Variants in GXYLT2 observed in about 807,000 individuals in gnomAD.
GXYLT2 encodes glucoside xylosyltransferase 2.
Under a neutral mutation model 45.8 loss-of-function variants are expected in GXYLT2, and 53 were observed. That is an observed-to-expected ratio of 1.16 (90% CI 0.93 to 1.46). The LOEUF is 1.46. Ranked by LOEUF, GXYLT2 falls within the 40% of genes most tolerant of loss-of-function variation. The pLI, the probability that GXYLT2 is intolerant of heterozygous loss-of-function variation, is 0.00. For missense variants in GXYLT2, 551 were observed against 544.4 expected (o/e 1.01, Z -0.12); for synonymous variants, 219 against 214.2 (o/e 1.02, Z -0.19).
intron 6 of GXYLT2, among the ~76,000 whole-genome samples, chr3:72,969,612 C>G (rs545736568): frequency 6.6e-6 from 1 of 152,214 alleles, no homozygotes; most frequent in African/African-American, 2.4e-5. Context: ...GCTAGGACTA[C>G]AGGTCTGAGC....
At chr3:72,960,545 G>T (rs577333771) in intron 5 of GXYLT2, among the ~76,000 whole-genome samples, 1 of 152,330 alleles carries the variant, frequency 6.6e-6, no homozygotes, top group South Asian at 2.1e-4. Context: ...TCGTGACGTT[G>T]TTCTAAATCC....
intron 3 of GXYLT2, among the ~76,000 whole-genome samples, chr3:72,950,353 C>A (rs890750384): frequency 1.3e-5 from 2 of 152,032 alleles, no homozygotes; most frequent in Admixed American, 6.6e-5. Context: ...CCCAGCTACT[C>A]CAGACGTTGA....
intron 1 of GXYLT2, among the ~76,000 whole-genome samples, chr3:72,899,540 C>T (rs897302250): frequency 7.2e-5 from 11 of 152,094 alleles, no homozygotes; most frequent in African/African-American, 1.9e-4. Flanking sequence ...GGGTTCTGAG[C>T]GAAGAGTCTA....
intron 5 of GXYLT2, among the ~76,000 whole-genome samples, chr3:72,962,009 T>C (rs1218634222): frequency 6.6e-6 from 1 of 151,250 alleles, no homozygotes; most frequent in Non-Finnish European, 1.5e-5. Flanking sequence ...GCAGGAGGAG[T>C]TCATGGGAAC....
intron 6 of GXYLT2, 104 bp downstream of exon 6, chr3:72,967,823 A>G (rs3821379): frequency 0.67 from 610,617 of 909,416 alleles, 207,703 homozygotes; most frequent in Admixed American, 0.78. Flanking sequence ...CCCAAAGCAT[A>G]GAGTTATACC....
At chr3:72,893,357 A>G (rs1169780553) in intron 1 of GXYLT2, among the ~76,000 whole-genome samples, 1 of 152,128 alleles carries the variant, frequency 6.6e-6, no homozygotes, top group African/African-American at 2.4e-5. Flanking sequence ...GTTTGTGCAC[A>G]TCCTAACACG....
chr3:72,931,332 C>T (rs1710031414), intron 3 of GXYLT2, among the ~76,000 whole-genome samples: 1 of 151,956 alleles, frequency 6.6e-6, no homozygotes, highest in Non-Finnish European at 1.5e-5. Flanking sequence ...GGTTCACCCC[C>T]CATTCTCCTG....
intron 5 of GXYLT2, among the ~76,000 whole-genome samples, chr3:72,960,498 T>C (rs1453826746): frequency 6.6e-6 from 1 of 152,258 alleles, no homozygotes; most frequent in Admixed American, 6.5e-5. Flanking sequence ...ACTCTCCATC[T>C]GAGATCCATT....
chr3:72,958,046 G>A (rs181663711), intron 5 of GXYLT2, among the ~76,000 whole-genome samples: 148 of 152,134 alleles, frequency 9.7e-4, no homozygotes, highest in Non-Finnish European at 1.7e-3. Context: ...CAAGTTGGGC[G>A]GATCACTTGA....
At chr3:72,913,447 C>G (rs1280101194) in intron 2 of GXYLT2, among the ~76,000 whole-genome samples, 2 of 151,820 alleles carry the variant, frequency 1.3e-5, no homozygotes, top group African/African-American at 2.4e-5. Context: ...GTAATCCCAG[C>G]ACTTTGGGAG....
intron 6 of GXYLT2, among the ~76,000 whole-genome samples, chr3:72,974,244 A>G (rs1176226154): frequency 1.3e-5 from 2 of 152,220 alleles, no homozygotes; most frequent in African/African-American, 4.8e-5. Flanking sequence ...GTATTCCATG[A>G]AGAAAACAAA....
At chr3:72,951,597 G>A (rs1026708463) in intron 3 of GXYLT2, among the ~76,000 whole-genome samples, 4 of 152,082 alleles carry the variant, frequency 2.6e-5, no homozygotes, top group Non-Finnish European at 5.9e-5. Context: ...TTGAACTCAG[G>A]AATACCAGAC....
At chr3:72,934,275 A>G (rs1288420116) in intron 3 of GXYLT2, among the ~76,000 whole-genome samples, 2 of 151,822 alleles carry the variant, frequency 1.3e-5, no homozygotes, top group Non-Finnish European at 2.9e-5. Flanking sequence ...TTGTAGAGAT[A>G]GGGTCTTGCT....
chr3:72,927,385 T>A (rs1436698022), intron 3 of GXYLT2: 1 of 152,218 alleles, frequency 6.6e-6, no homozygotes, highest in South Asian at 2.1e-4. Context: ...AAAGCAACAA[T>A]GTATAATCTT....
chr3:72,909,519 G>C (rs190462086), intron 2 of GXYLT2, among the ~76,000 whole-genome samples: 13 of 152,190 alleles, frequency 8.5e-5, no homozygotes, highest in African/African-American at 2.9e-4. Context: ...TGTGGAACTT[G>C]CTTTTTGCAT....
At chr3:72,967,784 G>A (rs1204862009) in intron 6 of GXYLT2, 65 bp downstream of exon 6, 1 of 1,426,152 alleles carries the variant, frequency 7.0e-7, no homozygotes, top group East Asian at 2.3e-5. Flanking sequence ...TGGCGCTTTA[G>A]TCACCTGTCC....
chr3:72,927,716 T>C (rs926702741), intron 3 of GXYLT2, among the ~76,000 whole-genome samples: 1 of 152,196 alleles, frequency 6.6e-6, no homozygotes, highest in African/African-American at 2.4e-5. Flanking sequence ...ATGATGTTTA[T>C]ACATTTCATC....
chr3:72,941,293 A>G (rs1048860988), intron 3 of GXYLT2, among the ~76,000 whole-genome samples: 33 of 152,180 alleles, frequency 2.2e-4, no homozygotes, highest in African/African-American at 8.0e-4. Context: ...TTTGAATGCT[A>G]TCCTCATCAG....
At position 72,967,658 on chromosome 3, in the gene GXYLT2, G is replaced by T. The variant is rs774203539; in HGVS notation, c.1088G>T (p.Arg363Leu). ...GGTGTGTCTGTTCTGCATGGAAACC[G>T]AGGCGTCTACCATGACGATAAGCAA... ...HEGVSVLHGN[R>L]GVYHDDKQPT... Residue 363 changes from arginine to leucine, a missense_variant, in exon 6 of 7, where the codon CGA becomes CTA. Transcript: ENST00000389617. 18 of 1,613,824 alleles carry T rather than the reference G, an allele frequency of 1.1e-5. No homozygotes were observed. In the Admixed American group the frequency reaches 1.2e-4, roughly 10 times the overall value.
Sources: gnomAD v4.1 joint callset for allele counts (sites outside exome capture counted in the v4.1 genomes callset) on GRCh38, gnomAD v4.1.1 for gene constraint, MANE v1.5 for transcripts, NCBI Gene and HGNC (gene_info 2026-07-23, HGNC 2026-07-21) for gene names.